Variants in PNPT1 observed in about 807,000 individuals in gnomAD.
PNPT1 encodes polyribonucleotide nucleotidyltransferase 1, also known as polyribonucleotide nucleotidyltransferase 1, mitochondrial.
A neutral mutation model predicts 119.5 loss-of-function variants in PNPT1; 53 were observed. The observed-to-expected ratio is 0.44, with a 90% CI of 0.36 to 0.56. The LOEUF is 0.56. PNPT1 is among the 20% of genes least tolerant of loss of function. The pLI, the probability that PNPT1 is intolerant of heterozygous loss-of-function variation, is 0.00. For missense variants in PNPT1, 948 were observed against 938.5 expected, an observed-to-expected ratio of 1.01 and a Z score of -0.13; for synonymous variants, 357 against 322.1, an observed-to-expected ratio of 1.11 and a Z score of -1.16.
intron 18 of PNPT1, among the ~76,000 whole-genome samples, chr2:55,653,392 A>G (rs890108192): frequency 1.3e-5 from 2 of 152,210 alleles, no homozygotes. Flanking sequence ...GTCTAGACCA[A>G]AAGATCTGAA....
chr2:55,660,733 T>C (rs763544253), intron 14 of PNPT1, among the ~76,000 whole-genome samples: 21 of 152,158 alleles, frequency 1.4e-4, no homozygotes, highest in Non-Finnish European at 2.4e-4. Flanking sequence ...TGATAAGAAA[T>C]AGAAACCAAA....
At chr2:55,650,900 G>T (rs1456751995) in intron 18 of PNPT1, among the ~76,000 whole-genome samples, 1 of 151,140 alleles carries the variant, frequency 6.6e-6, no homozygotes, top group Non-Finnish European at 1.5e-5. Flanking sequence ...GGAGGTGGGG[G>T]GGTCAGCCCC....
intron 8 of PNPT1, among the ~76,000 whole-genome samples, chr2:55,674,539 G>C (rs187609652): frequency 3.1e-4 from 47 of 152,306 alleles, no homozygotes; most frequent in African/African-American, 1.1e-3. Context: ...GTTGCAGTGA[G>C]CTGAGATCAC....
At chr2:55,651,579 T>G (rs943527911) in intron 18 of PNPT1, among the ~76,000 whole-genome samples, 17 of 152,074 alleles carry the variant, frequency 1.1e-4, no homozygotes, top group South Asian at 6.2e-4. Context: ...GAAGGCAGCA[T>G]GCTCCTTAAG....
At position 55,680,829 on chromosome 2, in the gene PNPT1, A is replaced by T. The variant is rs1559109904; in HGVS notation, c.517+26T>A. ...CTTTAAAAAAATTTTTAATCTGATA[A>T]TTTTAATCTCTACTTTTATACTTAC... On this transcript the variant is annotated intron_variant, in intron 6 of 27. Coordinates refer to ENST00000447944, the MANE Select transcript of PNPT1 (RefSeq NM_033109.5). 10 of 1,612,492 alleles carry T rather than the reference A, an allele frequency of 6.2e-6. No homozygotes were observed. In the South Asian group the frequency reaches 9.9e-5, roughly 16 times the overall value.
intron 1 of PNPT1, among the ~76,000 whole-genome samples, 193 bp downstream of exon 1, chr2:55,693,470 C>A (rs1278640033): frequency 6.6e-6 from 1 of 152,060 alleles, no homozygotes. Context: ...ACAGAGAGAA[C>A]GACATAGCGC....
At chr2:55,647,274 TTTTATCTTTTAATTTTTATTTA>T in intron 19 of PNPT1, 51 bp downstream of exon 19, 1 of 1,247,974 alleles carries the variant, frequency 8.0e-7, no homozygotes, top group South Asian at 1.4e-5. Context: ...CATTATTTGT[TTTTATCTTTTAATTTTTATTTA>T]TTTATTTTTA....
chr2:55,645,001 T>C, intron 22 of PNPT1: 1 of 316,730 alleles, frequency 3.2e-6, no homozygotes. Flanking sequence ...TATTAATGTT[T>C]ATCTTACCAT....
intron 18 of PNPT1, among the ~76,000 whole-genome samples, chr2:55,652,563 G>A (rs534553762): frequency 5.3e-5 from 8 of 152,184 alleles, no homozygotes; most frequent in South Asian, 4.2e-4. Flanking sequence ...GCATCCTCAC[G>A]TCTTCAACTT....
At chr2:55,687,451 A>T (rs1184477774) in intron 2 of PNPT1, among the ~76,000 whole-genome samples, 194 bp downstream of exon 2, 1 of 150,200 alleles carries the variant, frequency 6.7e-6, no homozygotes, top group Admixed American at 6.7e-5. Flanking sequence ...AAAAAAAAAT[A>T]GGTCACTTAA....
intron 22 of PNPT1, 181 bp downstream of exon 22, chr2:55,645,168 C>T (rs1049549072): frequency 4.2e-5 from 17 of 404,938 alleles, no homozygotes; most frequent in African/African-American, 2.1e-4. Context: ...GGACTACAGG[C>T]GCCCGCCACC....
chr2:55,669,962 T>C (rs1165977328), intron 11 of PNPT1, among the ~76,000 whole-genome samples: 2 of 151,930 alleles, frequency 1.3e-5, no homozygotes, highest in Admixed American at 6.6e-5. Context: ...TTTCACCATA[T>C]TGGCCAGGCT....
At chr2:55,665,664 G>A (rs1353579544) in intron 13 of PNPT1, among the ~76,000 whole-genome samples, 3 of 152,200 alleles carry the variant, frequency 2.0e-5, no homozygotes, top group African/African-American at 7.2e-5. Flanking sequence ...TGGAAATAGT[G>A]CCCTGGAGGT....
intron 13 of PNPT1, among the ~76,000 whole-genome samples, chr2:55,664,666 G>A (rs182561764): frequency 8.5e-5 from 13 of 152,054 alleles, no homozygotes; most frequent in Middle Eastern, 6.8e-3. Flanking sequence ...ATAAAATGAC[G>A]GTAAATTCAA....
rs771063552 is a variant in PNPT1 at position 55,636,331 on chromosome 2, T to TGAA, written c.2255_2257dup (p.Leu752dup). 2.5e-6 allele frequency: 4 copies of TGAA among 1,614,172 alleles called. No homozygotes were observed. The South Asian group carries it at 3.3e-5, about 13-fold the overall frequency. ...TCTGACCACGGTTGTAGCTGGCGAC[T>TGAA]GAAGCACTTTTCGAGAAAGCCTCAT... On this transcript the variant is annotated inframe_insertion, in exon 28 of 28. Transcript: ENST00000447944.
At chr2:55,678,888 C>T (rs1175058786) in intron 8 of PNPT1, among the ~76,000 whole-genome samples, 1 of 152,142 alleles carries the variant, frequency 6.6e-6, no homozygotes, top group Admixed American at 6.6e-5. Context: ...TCACATATTA[C>T]TTGTACAAAA....
In PNPT1 at chr2:55,667,965, A is replaced by C; in HGVS notation, c.977-7T>G. 1.9e-6 allele frequency: 3 copies of C among 1,572,532 alleles called. No individual in the cohort carries two copies. The highest frequency in any genetic ancestry group is 2.6e-6 in the Non-Finnish European group (3 of 1,167,470). ...TCGGCTTCTGGAAATTTTTCTATAG[A>C]AAAAAGACAAACCAAAACAAAGATT... On this transcript the variant is annotated splice_region_variant and splice_polypyrimidine_tract_variant and intron_variant, in intron 11 of 27. Transcript: ENST00000447944.
chr2:55,643,980 C>T (rs1019222959), intron 23 of PNPT1, among the ~76,000 whole-genome samples: 6 of 152,284 alleles, frequency 3.9e-5, no homozygotes, highest in African/African-American at 1.4e-4. Context: ...TGAAATTCAC[C>T]ATCTAGTGAA....
intron 23 of PNPT1, among the ~76,000 whole-genome samples, chr2:55,644,331 CTAAG>C (rs1338851564): frequency 6.6e-6 from 1 of 151,992 alleles, no homozygotes; most frequent in Non-Finnish European, 1.5e-5. Context: ...AAAGAAATAA[CTAAG>C]TAATAATTCC....
Sources: gnomAD v4.1 joint callset for allele counts (sites outside exome capture counted in the v4.1 genomes callset) on GRCh38, gnomAD v4.1.1 for gene constraint, MANE v1.5 for transcripts, NCBI Gene and HGNC (gene_info 2026-07-23, HGNC 2026-07-21) for gene names.